The following PXDNL variants were observed in gnomAD, a reference collection of about 807,000 sequenced individuals.
PXDNL encodes the protein peroxidasin like, also known as probable oxidoreductase PXDNL.
Under a neutral mutation model 150.8 loss-of-function variants are expected in PXDNL, and 145 were observed. The ratio of observed to expected loss-of-function variants is 0.96; its 90% confidence interval spans 0.84 to 1.10. PXDNL has a LOEUF of 1.10. PXDNL is among the 50% of genes least tolerant of loss of function. The pLI is 0.00. For missense variants in PXDNL, 2,087 were observed against 1,873.9 expected (o/e 1.11, Z -2.10); for synonymous variants, 757 against 725.7 (o/e 1.04, Z -0.69).
At position 51,408,456 on chromosome 8, in the gene PXDNL, G is replaced by A. The variant is rs1387337046; in HGVS notation, c.3168C>T (p.Gly1056=). Residue 1056 remains glycine, a synonymous_variant, in exon 17 of 23, where the codon GGC becomes GGT. Transcript: ENST00000356297. ...NSFATAAFRF[G]HTLINPILYR... ...AAAGAATAGGATTGATTAATGTGTG[G>A]CCAAATCTAAAGGCTGCAGTAGCAA... 1.2e-6 allele frequency: 2 copies of A among 1,613,916 alleles called. No homozygotes were observed. The highest frequency in any genetic ancestry group is 1.3e-5 in the African/African-American group (1 of 75,066).
chr8:51,682,574 C>T (rs947318731), intron 1 of PXDNL, among the ~76,000 whole-genome samples: 1 of 152,208 alleles, frequency 6.6e-6, no homozygotes, highest in Non-Finnish European at 1.5e-5. Context: ...ACATCTGCGA[C>T]AGCCTCATGC....
chr8:51,428,098 C>A (rs1809158263), intron 12 of PXDNL, among the ~76,000 whole-genome samples: 1 of 152,008 alleles, frequency 6.6e-6, no homozygotes, highest in Non-Finnish European at 1.5e-5. Context: ...GGACATAGAT[C>A]TTTTTAAAAA....
intron 21 of PXDNL, among the ~76,000 whole-genome samples, chr8:51,322,001 A>G (rs1013511106): frequency 1.3e-5 from 2 of 152,170 alleles, no homozygotes; most frequent in African/African-American, 4.8e-5. Context: ...CTCTAACCCA[A>G]TAACATTGGT....
chr8:51,475,052 T>C lies in PXDNL; in HGVS notation c.614A>G (p.Gln205Arg). 1 of 1,613,766 alleles carries C rather than the reference T, an allele frequency of 6.2e-7. No individual in the cohort carries two copies. The highest frequency in any genetic ancestry group is 8.5e-7 in the Non-Finnish European group (1 of 1,179,796). Residue 205 changes from glutamine to arginine, a missense_variant, in exon 7 of 23, where the codon CAG (glutamine) becomes CGG (arginine). Gln to Arg is a conservative substitution (Grantham distance 43). Coordinates refer to ENST00000356297, the MANE Select transcript of PXDNL (RefSeq NM_144651.5). ...LQGFAQHGHT[Q>R]AAATCEYPRR... ...GGGATATTCGCAGGTAGCCGCAGCC[T>C]GGGTGTGGCCGTGTTGGGCAAAGCC...
intron 4 of PXDNL, among the ~76,000 whole-genome samples, chr8:51,519,937 C>A (rs894204660): frequency 6.6e-6 from 1 of 152,184 alleles, no homozygotes; most frequent in Non-Finnish European, 1.5e-5. Context: ...CAGAAAAAAA[C>A]CACCTGAGAT....
At chr8:51,516,406 G>A (rs562665002) in intron 4 of PXDNL, among the ~76,000 whole-genome samples, 1 of 152,294 alleles carries the variant, frequency 6.6e-6, no homozygotes, top group African/African-American at 2.4e-5. Flanking sequence ...GCGTCTGTGA[G>A]TATCTTGGCT....
chr8:51,599,674 G>T (rs937187667), intron 2 of PXDNL, among the ~76,000 whole-genome samples: 3 of 144,408 alleles, frequency 2.1e-5, no homozygotes, highest in Non-Finnish European at 3.0e-5. Context: ...TTATATAAAT[G>T]ATATCATTTA....
intron 18 of PXDNL, among the ~76,000 whole-genome samples, chr8:51,373,874 T>A (rs552407861): frequency 6.6e-6 from 1 of 152,324 alleles, no homozygotes; most frequent in East Asian, 1.9e-4. Flanking sequence ...AGAGCACATG[T>A]CCACTCAGGA....
chr8:51,326,225 C>A (rs184151461), intron 21 of PXDNL, among the ~76,000 whole-genome samples: 3 of 152,246 alleles, frequency 2.0e-5, no homozygotes, highest in Non-Finnish European at 2.9e-5. Context: ...CGTCTGTGTG[C>A]GGTGGCTCAT....
At chr8:51,392,261 T>C (rs2130841892) in intron 17 of PXDNL, among the ~76,000 whole-genome samples, 1 of 152,322 alleles carries the variant, frequency 6.6e-6, no homozygotes, top group South Asian at 2.1e-4. Context: ...AATAGTTTTT[T>C]CCACTTCTGT....
chr8:51,668,399 C>G (rs1185359497), intron 1 of PXDNL, among the ~76,000 whole-genome samples: 2 of 151,742 alleles, frequency 1.3e-5, no homozygotes, highest in African/African-American at 4.8e-5. Flanking sequence ...GGTCTCGAAC[C>G]CCTGACCTCA....
chr8:51,757,024 T>C (rs1256105319), intron 1 of PXDNL, among the ~76,000 whole-genome samples: 1 of 152,234 alleles, frequency 6.6e-6, no homozygotes, highest in Non-Finnish European at 1.5e-5. Flanking sequence ...ATTGTTTTGC[T>C]ATTTGTTCAT....
intron 21 of PXDNL, among the ~76,000 whole-genome samples, chr8:51,337,842 C>T (rs2130669676): frequency 6.7e-6 from 1 of 150,318 alleles, no homozygotes; most frequent in East Asian, 2.0e-4. Flanking sequence ...CACTGCACTC[C>T]AGCCTGGGCA....
intron 3 of PXDNL, among the ~76,000 whole-genome samples, chr8:51,585,820 C>G (rs1813311166): frequency 6.6e-6 from 1 of 152,104 alleles, no homozygotes; most frequent in African/African-American, 2.4e-5. Context: ...AATTTTCTCA[C>G]AACCTTCTTG....
chr8:51,447,316 G>A (rs1394867928), intron 11 of PXDNL, among the ~76,000 whole-genome samples, 154 bp from the exon 12 acceptor site: 1 of 152,036 alleles, frequency 6.6e-6, no homozygotes, highest in Admixed American at 6.6e-5. Flanking sequence ...TGCAACCCCA[G>A]AAACACAGCA....
chr8:51,688,248 G>A lies in PXDNL; in HGVS notation c.165-33488C>T, dbSNP rs79591021. On this transcript the variant is annotated intron_variant, in intron 1 of 22. Transcript: ENST00000356297. ...CCAGTGGCATGGGTGCAGGAAGACC[G>A]GAGTCAGAAGCATGTCAGCCTCATA... 3.8e-3 allele frequency among the ~76,000 whole-genome samples: 578 copies of A among 152,106 alleles called. 5 individuals are homozygous for A. The highest frequency in any genetic ancestry group is 0.012 in the Admixed American group (179 of 15,262).
At chr8:51,777,851 C>T (rs1323135346) in intron 1 of PXDNL, among the ~76,000 whole-genome samples, 2 of 152,040 alleles carry the variant, frequency 1.3e-5, no homozygotes, top group South Asian at 2.1e-4. Context: ...TGCAATGAGA[C>T]GAGATTGTGG....
At chr8:51,644,339 C>T (rs6987193) in intron 2 of PXDNL, among the ~76,000 whole-genome samples, 15,098 of 38,720 alleles carry the variant, frequency 0.39, 3,685 homozygotes, top group East Asian at 0.52. Context: ...TATATATATA[C>T]ACACACACAC....
At chr8:51,555,548 AG>A (rs1463297303) in intron 4 of PXDNL, among the ~76,000 whole-genome samples, 1 of 152,234 alleles carries the variant, frequency 6.6e-6, no homozygotes, top group East Asian at 1.9e-4. Context: ...TCTATGAAAA[AG>A]AAATTTAGAT....
Sources: allele counts gnomAD v4.1 joint callset (sites outside exome capture counted in the v4.1 genomes callset), GRCh38; gene constraint gnomAD v4.1.1; transcripts MANE v1.5; gene names NCBI Gene and HGNC (gene_info 2026-07-23, HGNC 2026-07-21).